PTPRM: variants seen among roughly 807,000 people sequenced by gnomAD.
PTPRM encodes protein tyrosine phosphatase receptor type M, also known as receptor-type tyrosine-protein phosphatase mu.
In PTPRM, 47 loss-of-function variants were observed where a neutral mutation model predicts 186.7. The observed-to-expected ratio is 0.25, with a 90% CI of 0.20 to 0.32. The LOEUF (loss-of-function observed/expected upper bound fraction) is 0.32, where lower values mean the gene tolerates loss of function less well. PTPRM is among the 10% of genes least tolerant of loss of function. The pLI is 1.00. For synonymous variants in PTPRM, 668 were observed against 674.9 expected (o/e 0.99, Z 0.16); for missense variants, 1,494 against 1,865.0 (o/e 0.80, Z 3.66).
In PTPRM at chr18:8,091,580, C is replaced by T. The variant is rs78931029; in HGVS notation, c.1856+2729C>T. On this transcript the variant is annotated intron_variant, in intron 11 of 32. Coordinates refer to ENST00000580170, the MANE Select transcript of PTPRM (RefSeq NM_001105244.2). ...AGGAAATTATTTCAACCTCACCTGT[C>T]GAAAAGATTTTTTTTTTTTTTTTTG... 1.0e-3 allele frequency among the ~76,000 whole-genome samples: 144 copies of T among 144,354 alleles called. 1 individual carries two copies. The East Asian group carries it at 0.016, about 16-fold the overall frequency. The allele number at this position is 144,354 out of a possible 152,430, so 94.7% of individuals were successfully genotyped here.
chr18:7,808,161 A>G (rs1028331741), intron 2 of PTPRM, among the ~76,000 whole-genome samples: 2 of 152,250 alleles, frequency 1.3e-5, no homozygotes, highest in South Asian at 2.1e-4. Context: ...GTTCATCTCT[A>G]TTTCATCAAA....
intron 4 of PTPRM, among the ~76,000 whole-genome samples, chr18:7,924,058 A>G (rs1386796657): frequency 2.0e-5 from 3 of 152,360 alleles, no homozygotes; most frequent in Admixed American, 6.5e-5. Context: ...GGAGCAAACT[A>G]TAAACTCAGA....
intron 2 of PTPRM, among the ~76,000 whole-genome samples, chr18:7,808,829 C>A (rs1355466603): frequency 6.6e-6 from 1 of 152,194 alleles, no homozygotes; most frequent in East Asian, 1.9e-4. Flanking sequence ...TCCTGAGTTT[C>A]CTTCAATGTG....
At chr18:8,088,454 C>T (rs892914753) in intron 10 of PTPRM, among the ~76,000 whole-genome samples, 2 of 151,784 alleles carry the variant, frequency 1.3e-5, no homozygotes, top group South Asian at 2.1e-4. Flanking sequence ...ACAAGCTATG[C>T]TCATTTAGCC....
intron 11 of PTPRM, among the ~76,000 whole-genome samples, chr18:8,102,681 AC>A (rs2091344161): frequency 2.0e-5 from 3 of 152,060 alleles, no homozygotes; most frequent in Non-Finnish European, 4.4e-5. Context: ...CCTCAAAGTC[AC>A]CCTTGAGGTT....
chr18:8,054,102 T>G (rs2087715202), intron 7 of PTPRM, among the ~76,000 whole-genome samples: 1 of 151,882 alleles, frequency 6.6e-6, no homozygotes, highest in African/African-American at 2.4e-5. Context: ...TTCTTACACT[T>G]TTCATTTCTT....
At chr18:8,340,826 C>G (rs1340358913) in intron 22 of PTPRM, among the ~76,000 whole-genome samples, 1 of 152,164 alleles carries the variant, frequency 6.6e-6, no homozygotes, top group African/African-American at 2.4e-5. Flanking sequence ...CACCTCCACC[C>G]CAACCCAGTT....
At chr18:8,061,497 A>C (rs1261283246) in intron 7 of PTPRM, among the ~76,000 whole-genome samples, 1 of 90,646 alleles carries the variant, frequency 1.1e-5, no homozygotes, top group Non-Finnish European at 2.3e-5. Context: ...TCATCCTGTC[A>C]TTATGATGTT....
intron 7 of PTPRM, among the ~76,000 whole-genome samples, chr18:7,978,933 C>T (rs2055144748): frequency 6.6e-6 from 1 of 152,066 alleles, no homozygotes; most frequent in Non-Finnish European, 1.5e-5. Context: ...AACAGTGCTT[C>T]ACCATGGAGC....
chr18:8,179,374 G>T lies in PTPRM; in HGVS notation c.2300+35595G>T, dbSNP rs2093538498. ...GAAGGATTATTTCAGTCTTCTATTA[G>T]TTCAGTCCATACATTTAACTCCTGT... is the stretch of plus-strand genomic sequence containing the variant. On this transcript the variant is annotated intron_variant, in intron 14 of 32. Coordinates refer to ENST00000580170, the MANE Select transcript of PTPRM (RefSeq NM_001105244.2). Among the ~76,000 whole-genome samples, 3 of 151,842 alleles carry T rather than the reference G, an allele frequency of 2.0e-5. No homozygotes were observed. In the South Asian group the frequency reaches 6.2e-4, roughly 31 times the overall value.
chr18:8,261,486 TG>T (rs780768638), intron 19 of PTPRM, among the ~76,000 whole-genome samples: 1 of 152,188 alleles, frequency 6.6e-6, no homozygotes, highest in African/African-American at 2.4e-5. Context: ...ACTTTCTTAG[TG>T]GGTGAAAGTT....
chr18:7,750,326 G>C (rs190607246), intron 1 of PTPRM, among the ~76,000 whole-genome samples: 2 of 152,090 alleles, frequency 1.3e-5, no homozygotes, highest in Non-Finnish European at 2.9e-5. Context: ...AAACAAGCTC[G>C]TTAAAGACTG....
chr18:7,631,259 A>C (rs73387558), intron 1 of PTPRM, among the ~76,000 whole-genome samples: 11,122 of 152,178 alleles, frequency 0.073, 544 homozygotes, highest in South Asian at 0.13. Flanking sequence ...ACTGAATCCC[A>C]CTGAGAAAAT....
At position 7,904,587 on chromosome 18, in the gene PTPRM, A is replaced by G. The variant is rs1055478702; in HGVS notation, c.469-1918A>G. Among the ~76,000 whole-genome samples, 74 of 152,214 alleles carry G rather than the reference A, an allele frequency of 4.9e-4. 2 individuals carry two copies. On this transcript the variant is annotated intron_variant, in intron 3 of 32. Transcript: ENST00000580170. The stretch of plus-strand genomic sequence containing the variant: ...GGGAAGTTCACCCAAGTTGTTAGGT[A>G]CATCATTAATTTGCTCCTTTTTATT...
intron 14 of PTPRM, among the ~76,000 whole-genome samples, chr18:8,237,926 A>G (rs6506565): frequency 0.25 from 37,800 of 151,600 alleles, 5,520 homozygotes; most frequent in African/African-American, 0.41. Context: ...TCTTATCCTC[A>G]CTCCTCTGTA....
chr18:8,096,548 C>G (rs561275439), intron 11 of PTPRM, among the ~76,000 whole-genome samples: 1 of 152,070 alleles, frequency 6.6e-6, no homozygotes, highest in African/African-American at 2.4e-5. Flanking sequence ...CTAGATAGAC[C>G]GTCTTTAAAT....
At chr18:8,211,804 G>A (rs1221847938) in intron 14 of PTPRM, among the ~76,000 whole-genome samples, 1 of 152,100 alleles carries the variant, frequency 6.6e-6, no homozygotes, top group Non-Finnish European at 1.5e-5. Flanking sequence ...AGAGGGGGAG[G>A]CATGAAATTG....
At chr18:7,827,914 C>G (rs997348829) in intron 2 of PTPRM, among the ~76,000 whole-genome samples, 2 of 152,308 alleles carry the variant, frequency 1.3e-5, no homozygotes, top group Non-Finnish European at 2.9e-5. Context: ...GGGCTATTTA[C>G]CAGACACTTC....
chr18:8,249,602 A>G (rs993504663), intron 17 of PTPRM, among the ~76,000 whole-genome samples: 5 of 152,168 alleles, frequency 3.3e-5, no homozygotes, highest in Non-Finnish European at 7.3e-5. Context: ...TTCCTCTAGT[A>G]GATTTTCTGA....
Sources: gnomAD v4.1 joint callset for allele counts (sites outside exome capture counted in the v4.1 genomes callset) on GRCh38, gnomAD v4.1.1 for gene constraint, MANE v1.5 for transcripts, NCBI Gene and HGNC (gene_info 2026-07-23, HGNC 2026-07-21) for gene names.